Variants in WARS2 observed in about 807,000 individuals in gnomAD.
WARS2 encodes tryptophan--tRNA ligase, mitochondrial.
Under a neutral mutation model 36.5 loss-of-function variants are expected in WARS2, and 28 were observed. The observed-to-expected ratio is 0.77, with a 90% confidence interval of 0.57 to 1.05. WARS2 has a LOEUF of 1.05. Among genes scored for constraint, WARS2 ranks in the 50% least tolerant of loss-of-function variants. WARS2 has a pLI of 0.00. For missense variants in WARS2, 435 were observed against 456.8 expected, an observed-to-expected ratio of 0.95 and a Z score of 0.44; for synonymous variants, 174 against 178.4, an observed-to-expected ratio of 0.98 and a Z score of 0.20.
chr1:119,063,865 G>A (rs113032944), intron 2 of WARS2: 8 of 152,344 alleles, frequency 5.3e-5, no homozygotes, highest in South Asian at 2.1e-4. Flanking sequence ...GAGAACCTCT[G>A]CTAGGGTAGT....
Position 119,033,333 on chromosome 1 carries a change from G to A in WARS2, c.661C>T (p.Arg221Cys), listed in dbSNP as rs778886839. The change falls in exon 6 of 6, where the codon CGT (arginine) becomes TGT (cysteine). Residue 221 changes from arginine to cysteine, a missense_variant. Arg to Cys is a radical substitution (Grantham distance 180). Coordinates refer to ENST00000235521, the MANE Select transcript of WARS2 (RefSeq NM_015836.4). The part of the protein sequence containing the change: ...LTSMKKVKSL[R>C]DPSAKMSKSD... ...TTCGACATTTTGGCAGAAGGATCAC[G>A]TAGGGATTTTACCTTCTTCATGGAT... The A allele has an allele frequency of 1.2e-6, 2 of 1,614,198 alleles. No individual in the cohort carries two copies. The highest frequency in any genetic ancestry group is 3.3e-5 in the Admixed American group (2 of 60,024).
intron 2 of WARS2, 82 bp from the exon 3 acceptor site, chr1:119,045,744 TAAA>T: frequency 8.8e-7 from 1 of 1,133,916 alleles, no homozygotes; most frequent in African/African-American, 1.5e-5. Context: ...AGTATTACCC[TAAA>T]TGTCTGAAAA....
At chr1:119,044,907 T>C (rs1648664969) in intron 3 of WARS2, among the ~76,000 whole-genome samples, 1 of 152,190 alleles carries the variant, frequency 6.6e-6, no homozygotes, top group South Asian at 2.1e-4. Flanking sequence ...TATCTATTTC[T>C]TTCTGTAGCA....
intron 2 of WARS2, among the ~76,000 whole-genome samples, chr1:119,073,434 T>A (rs1651483963): frequency 6.6e-6 from 1 of 152,072 alleles, no homozygotes; most frequent in South Asian, 2.1e-4. Flanking sequence ...CCTGAGGAAA[T>A]TTTTCATATT....
chr1:119,135,747 T>G (rs111283433), intron 1 of WARS2, among the ~76,000 whole-genome samples: 1,320 of 115,866 alleles, frequency 0.011, 12 homozygotes, highest in South Asian at 0.032. Context: ...GATAGATAGA[T>G]AGATAGAGAG....
chr1:119,035,695 A>G (rs35443923), intron 4 of WARS2, among the ~76,000 whole-genome samples: 10,047 of 152,252 alleles, frequency 0.066, 448 homozygotes, highest in East Asian at 0.2. Context: ...AGAGATAGTC[A>G]CAGACCTGGG....
rs547917863 is a variant in WARS2, at chr1:119,034,416, G to GT, written c.516-204dup. On this transcript the variant is annotated intron_variant, in intron 4 of 5. Transcript: ENST00000235521. ...AGAGATGTTTCTCTACTCTAGTTGT[G>GT]TTTTTTCCACAGCAGGGGAATACAG... 2.3e-3 allele frequency among the ~76,000 whole-genome samples: 345 copies of GT among 152,292 alleles called. 1 individual carries two copies. The highest frequency in any genetic ancestry group is 7.7e-3 in the African/African-American group (318 of 41,558).
rs1460750836 is a variant in WARS2 at position 119,031,946 on chromosome 1, C to T, written c.*965G>A. 1 of 152,732 alleles carries T rather than the reference C, an allele frequency of 6.5e-6. No homozygotes were observed. The highest frequency in any genetic ancestry group is 1.5e-5 in the Non-Finnish European group (1 of 68,476). The allele number at this position is 152,732 out of a possible 1,614,324, so 9.5% of individuals were successfully genotyped here. On this transcript the variant is annotated 3_prime_UTR_variant, in exon 6 of 6. Transcript: ENST00000235521. ...TTGGCTGAATTGATGATATAAAAAA[C>T]ATCATCAGTCGTTCCAACACCCACC... is the stretch of plus-strand genomic sequence containing the variant.
intron 1 of WARS2, among the ~76,000 whole-genome samples, chr1:119,094,863 C>T (rs758396454): frequency 6.6e-5 from 10 of 152,002 alleles, no homozygotes; most frequent in South Asian, 2.1e-4. Context: ...AATTCTTGTA[C>T]GTAATAAATA....
intron 1 of WARS2, among the ~76,000 whole-genome samples, chr1:119,126,267 G>T (rs1410777216): frequency 7.3e-5 from 10 of 136,966 alleles, no homozygotes; most frequent in East Asian, 2.1e-4. Context: ...GAGCAGTTTT[G>T]AAAAAAAAAA....
At chr1:119,096,608 T>C (rs1182426457) in intron 1 of WARS2, among the ~76,000 whole-genome samples, 1 of 152,154 alleles carries the variant, frequency 6.6e-6, no homozygotes, top group Non-Finnish European at 1.5e-5. Context: ...ACTTATGAGT[T>C]TTTGAGACTC....
chr1:119,076,202 A>T lies in WARS2; in HGVS notation c.348+148T>A. On this transcript the variant is annotated intron_variant, in intron 2 of 5. Coordinates refer to ENST00000235521, the MANE Select transcript of WARS2 (RefSeq NM_015836.4). ...ACTTAATGATATAAATACAAGTAAA[A>T]CATTAAGCTGAAAAAAATCACATTT... The T allele has an allele frequency of 5.2e-6, 5 of 960,038 alleles. No homozygotes were observed. The South Asian group carries it at 8.8e-5, about 17-fold the overall frequency. The allele number at this position is 960,038 out of a possible 1,614,324, so 59.5% of individuals were successfully genotyped here. A position where few individuals can be genotyped will look rare whatever the true frequency, so the allele number is the denominator to read the frequency against.
chr1:119,058,051 T>A lies in WARS2; in HGVS notation c.349-12389A>T, dbSNP rs574077601. ...TGGCCTATCCTAAAGGCCTGGAAAATTTTCCCCATATTTTCTTTCAGAAGT... is the reference window on the plus strand; with the variant it reads ...TGGCCTATCCTAAAGGCCTGGAAAAATTTCCCCATATTTTCTTTCAGAAGT... On this transcript the variant is annotated intron_variant, in intron 2 of 5. Coordinates refer to ENST00000235521, the MANE Select transcript of WARS2 (RefSeq NM_015836.4). 5.9e-5 allele frequency among the ~76,000 whole-genome samples: 9 copies of A among 152,232 alleles called. No individual in the cohort carries two copies. The East Asian group carries it at 1.5e-3, about 26-fold the overall frequency.
intron 1 of WARS2, among the ~76,000 whole-genome samples, chr1:119,083,130 G>A (rs1228277480): frequency 6.6e-6 from 1 of 152,178 alleles, no homozygotes; most frequent in Non-Finnish European, 1.5e-5. Context: ...TTGGGAGGCT[G>A]AGGCAGGAGA....
At chr1:119,086,009 G>A in intron 1 of WARS2, 2 of 1,568,486 alleles carry the variant, frequency 1.3e-6, no homozygotes, top group Non-Finnish European at 1.7e-6. Flanking sequence ...AGGCAGTGTG[G>A]CACATACCCT....
intron 1 of WARS2, among the ~76,000 whole-genome samples, chr1:119,132,173 A>C (rs1487945497): frequency 6.6e-6 from 1 of 152,206 alleles, no homozygotes; most frequent in Non-Finnish European, 1.5e-5. Flanking sequence ...GCCTGGAATC[A>C]CATTTAAAAT....
chr1:119,137,690 C>T (rs1334090771), intron 1 of WARS2, among the ~76,000 whole-genome samples: 2 of 152,150 alleles, frequency 1.3e-5, no homozygotes, highest in East Asian at 1.9e-4. Context: ...GACTTTATGA[C>T]TACGCTCATC....
chr1:119,128,603 C>A (rs1655859116), intron 1 of WARS2, among the ~76,000 whole-genome samples: 1 of 149,344 alleles, frequency 6.7e-6, no homozygotes, highest in Non-Finnish European at 1.5e-5. Context: ...CCCTGCGCCC[C>A]CCACAATATA....
intron 1 of WARS2, among the ~76,000 whole-genome samples, chr1:119,097,844 C>T (rs997814431): frequency 2.0e-5 from 3 of 152,146 alleles, no homozygotes; most frequent in Non-Finnish European, 4.4e-5. Context: ...CGTCTTAAAT[C>T]CCATGACACT....
Sources: allele counts gnomAD v4.1 joint callset (sites outside exome capture counted in the v4.1 genomes callset), GRCh38; gene constraint gnomAD v4.1.1; transcripts MANE v1.5; gene names NCBI Gene and HGNC (gene_info 2026-07-23, HGNC 2026-07-21).